Variants in ACOT7 observed in about 807,000 individuals in gnomAD.
ACOT7 encodes acyl-CoA thioesterase 7.
In ACOT7, 12 loss-of-function variants were observed where a neutral mutation model predicts 40.2. The ratio of observed to expected loss-of-function variants is 0.30; its 90% CI spans 0.19 to 0.48. ACOT7 has a LOEUF of 0.48. Ranked by LOEUF, ACOT7 falls within the 20% of genes least tolerant of loss-of-function variation. The pLI, the probability that ACOT7 is intolerant of heterozygous loss-of-function variation, is 0.99. For synonymous variants in ACOT7, 228 were observed against 219.5 expected (o/e 1.04, Z -0.34); for missense variants, 395 against 530.8 (o/e 0.74, Z 2.51).
intron 2 of ACOT7, among the ~76,000 whole-genome samples, chr1:6,340,510 T>C (rs1005799655): frequency 1.3e-5 from 2 of 152,236 alleles, no homozygotes; most frequent in Non-Finnish European, 2.9e-5. Context: ...ACGTCACTCC[T>C]CCCATTCAAA....
Position 6,333,826 on chromosome 1 carries a change from C to T in ACOT7, c.419-258G>A, listed in dbSNP as rs185721574. Among the ~76,000 whole-genome samples the T allele has an allele frequency of 3.6e-4, 54 of 152,058 alleles. No individual in the cohort carries two copies. The South Asian group carries it at 0.01, about 29-fold the overall frequency. On this transcript the variant is annotated intron_variant, in intron 3 of 8. Transcript: ENST00000361521. ...CCCCAGAGCCCATGGAGAGAGGCTG[C>T]GTGGGGCCCACCCCCATCACAAGGC...
intron 7 of ACOT7, chr1:6,283,022 C>A: frequency 2.4e-6 from 1 of 419,942 alleles, no homozygotes; most frequent in South Asian, 1.7e-5. Context: ...CAGGAACAAG[C>A]CCTTTCCATG....
intron 1 of ACOT7, among the ~76,000 whole-genome samples, chr1:6,369,398 C>CTTTT (rs60404741): frequency 0.011 from 1,133 of 100,972 alleles, 6 homozygotes; most frequent in African/African-American, 0.014. Flanking sequence ...AAATGCATTT[C>CTTTT]TTTTTTTTTT....
At chr1:6,326,432 A>G (rs1640800076) in intron 5 of ACOT7, among the ~76,000 whole-genome samples, 1 of 152,212 alleles carries the variant, frequency 6.6e-6, no homozygotes, top group Admixed American at 6.5e-5. Flanking sequence ...TTAAAGCCAG[A>G]GCACCCTGAC....
intron 6 of ACOT7, among the ~76,000 whole-genome samples, chr1:6,304,582 G>A (rs1640068347): frequency 7.5e-6 from 1 of 133,890 alleles, no homozygotes; most frequent in African/African-American, 2.9e-5. Flanking sequence ...TGAGATTAGG[G>A]AGTGGTGATG....
chr1:6,264,546 C>T lies in ACOT7; in HGVS notation c.*51G>A. ...GGGGGAACTTCTAAGTGACTGGACA[C>T]TGGGCCCGTTGCCATGGCTACTCGA... is the stretch of plus-strand genomic sequence containing the variant. On this transcript the variant is annotated 3_prime_UTR_variant, in exon 9 of 9. Coordinates refer to ENST00000361521, the MANE Select transcript of ACOT7 (RefSeq NM_007274.4). 1.3e-6 allele frequency: 2 copies of T among 1,559,592 alleles called. No individual in the cohort carries two copies. The highest frequency in any genetic ancestry group is 1.7e-6 in the Non-Finnish European group (2 of 1,145,490).
At position 6,358,778 on chromosome 1, in the gene ACOT7, C is replaced by G; in HGVS notation, c.144-8912G>C. 1 of 1,583,968 alleles carries G rather than the reference C, an allele frequency of 6.3e-7. No homozygotes were observed. ...CTTCCAAATGTCCCTAAACAATCCA[C>G]CCACAGTGGCCCCTGCACGGCCTAG... On this transcript the variant is annotated intron_variant, in intron 1 of 8. Coordinates refer to ENST00000361521, the MANE Select transcript of ACOT7 (RefSeq NM_007274.4). The surrounding 1 kb of genome is among the most constrained non-coding windows in gnomAD (Gnocchi z 4.1).
Position 6,291,587 on chromosome 1 carries a change from G to A in ACOT7, c.829+3277C>T, listed in dbSNP as rs185676616. 1.5e-4 allele frequency among the ~76,000 whole-genome samples: 23 copies of A among 152,342 alleles called. 1 individual carries two copies. The highest frequency in any genetic ancestry group is 5.2e-4 in the Admixed American group (8 of 15,304). ...CTCTGCCAGGCACCACGTGCAACCC[G>A]AGGTGAGGTTTCTGTGCCTGCCAGT... On this transcript the variant is annotated intron_variant, in intron 7 of 8. Coordinates refer to ENST00000361521, the MANE Select transcript of ACOT7 (RefSeq NM_007274.4).
intron 6 of ACOT7, among the ~76,000 whole-genome samples, chr1:6,304,846 TC>T (rs1375856453): frequency 7.2e-6 from 1 of 139,708 alleles, no homozygotes; most frequent in East Asian, 2.1e-4. Context: ...TCCCCACCTT[TC>T]CCCCCTTTCT....
chr1:6,267,449 C>T (rs930461478), intron 8 of ACOT7, among the ~76,000 whole-genome samples: 2 of 152,172 alleles, frequency 1.3e-5, no homozygotes, highest in Non-Finnish European at 2.9e-5. Flanking sequence ...GGAAGGGCTG[C>T]CAGGTCAGGA....
intron 1 of ACOT7, among the ~76,000 whole-genome samples, chr1:6,374,331 G>A (rs1305627172): frequency 6.6e-6 from 1 of 152,230 alleles, no homozygotes; most frequent in African/African-American, 2.4e-5. Context: ...ACAGGCCCAT[G>A]GGGACTGAAG....
chr1:6,327,967 T>C (rs986173222), intron 4 of ACOT7, among the ~76,000 whole-genome samples: 1 of 151,910 alleles, frequency 6.6e-6, no homozygotes, highest in African/African-American at 2.4e-5. Flanking sequence ...AGAGATGGGG[T>C]TTCACGATGT....
At chr1:6,264,815 G>T in intron 8 of ACOT7, 120 bp from the exon 9 acceptor site, 2 of 1,030,598 alleles carry the variant, frequency 1.9e-6, no homozygotes, top group Non-Finnish European at 1.4e-6. Context: ...CCTGGTGCAT[G>T]CTGAGTACCA....
intron 8 of ACOT7, among the ~76,000 whole-genome samples, chr1:6,270,649 G>A (rs530293464): frequency 6.6e-6 from 1 of 152,342 alleles, no homozygotes; most frequent in South Asian, 2.1e-4. Context: ...TTGTTCACCT[G>A]GAAACAGGAA....
intron 2 of ACOT7, among the ~76,000 whole-genome samples, chr1:6,340,576 C>T (rs1641249033): frequency 6.6e-6 from 1 of 152,098 alleles, no homozygotes; most frequent in Non-Finnish European, 1.5e-5. Flanking sequence ...TCCCAAGAAT[C>T]GGGGTGGGTT....
chr1:6,327,416 G>T lies in ACOT7; in HGVS notation c.511-3C>A. 2 of 1,613,968 alleles carry T rather than the reference G, an allele frequency of 1.2e-6. No homozygotes were observed. Among genetic ancestry groups the T allele is most frequent in the South Asian group, 1.1e-5 (1 of 91,050 alleles). ...TCCTCCTGCTCCTGCCGGGAATACT[G>T]CGAGAAACCAAAGACAGGTCAGGCC... On this transcript the variant is annotated splice_polypyrimidine_tract_variant and splice_region_variant and intron_variant, in intron 4 of 8. Coordinates refer to ENST00000361521, the MANE Select transcript of ACOT7 (RefSeq NM_007274.4).
At position 6,289,700 on chromosome 1, in the gene ACOT7, G is replaced by A. The variant is rs1009782670; in HGVS notation, c.829+5164C>T. Among the ~76,000 whole-genome samples, 1 of 151,290 alleles carries A rather than the reference G, an allele frequency of 6.6e-6. No individual in the cohort carries two copies. Among genetic ancestry groups the A allele is most frequent in the Admixed American group, 6.6e-5 (1 of 15,204 alleles). On this transcript the variant is annotated intron_variant, in intron 7 of 8. Transcript: ENST00000361521. The surrounding 1 kb of genome is among the most constrained non-coding windows in gnomAD (Gnocchi z 4.6). Reference sequence around the variant, plus strand: ...GCTTTTTTTGTGTGTGTTTTGTTTTGTTTTGTTTTTAAAGAAACAGGGGTC... The same window carrying A: ...GCTTTTTTTGTGTGTGTTTTGTTTTATTTTGTTTTTAAAGAAACAGGGGTC...
intron 2 of ACOT7, among the ~76,000 whole-genome samples, chr1:6,344,171 A>G (rs3789479): frequency 0.036 from 5,552 of 152,268 alleles, 222 homozygotes; most frequent in African/African-American, 0.097. Flanking sequence ...AGTGGGAGAC[A>G]TGGACAAAGG....
intron 5 of ACOT7, among the ~76,000 whole-genome samples, chr1:6,321,818 G>A (rs1034922964): frequency 2.0e-5 from 3 of 152,228 alleles, no homozygotes; most frequent in African/African-American, 7.2e-5. Context: ...GAGTCTTAAT[G>A]GGCTTTTGAT....
Sources: allele counts gnomAD v4.1 joint callset (sites outside exome capture counted in the v4.1 genomes callset), GRCh38; gene constraint gnomAD v4.1.1; non-coding constraint Gnocchi (gnomAD v3.1); transcripts MANE v1.5; gene names NCBI Gene and HGNC (gene_info 2026-07-23, HGNC 2026-07-21).